Variants in SETDB2 observed in about 807,000 individuals in gnomAD.
The protein encoded by SETDB2 is histone-lysine N-methyltransferase SETDB2.
In SETDB2, 56 loss-of-function variants were observed where a neutral mutation model predicts 82.5. The ratio of observed to expected loss-of-function variants is 0.68; its 90% confidence interval spans 0.55 to 0.85. The LOEUF (loss-of-function observed/expected upper bound fraction) is 0.85, where lower values mean the gene tolerates loss of function less well. Ranked by LOEUF, SETDB2 falls within the 40% of genes least tolerant of loss-of-function variation. The probability of loss-of-function intolerance (pLI) is 0.00; values close to 1 mark genes in which losing one functional copy is unlikely to be tolerated. For synonymous variants in SETDB2, 272 were observed against 284.9 expected (o/e 0.95, Z 0.46); for missense variants, 677 against 816.4 (o/e 0.83, Z 2.08).
intron 10 of SETDB2, 146 bp from the exon 11 acceptor site, chr13:49,485,484 G>T: frequency 1.6e-6 from 1 of 627,516 alleles, no homozygotes. Context: ...TTAGTCTAAA[G>T]ACTCCTTATG....
chr13:49,482,888 G>A lies in SETDB2; in HGVS notation c.1308G>A (p.Leu436=), dbSNP rs761782856. 1.1e-5 allele frequency: 18 copies of A among 1,613,424 alleles called. No homozygotes were observed. In the South Asian group the frequency reaches 1.8e-4, roughly 16 times the overall value. Reference sequence around the variant, plus strand: ...AAGTTGAAGTTCTCCCATTAGGATTGGAAACACATCCTAGAACTGCTAAAA... The same window carrying A: ...AAGTTGAAGTTCTCCCATTAGGATTAGAAACACATCCTAGAACTGCTAAAA... ...DCEVEVLPLG[L]ETHPRTAKTE... Residue 436 remains leucine (L), a synonymous_variant, in exon 9 of 14, where the codon TTG becomes TTA. Transcript: ENST00000611815.
chr13:49,460,318 G>A, intron 3 of SETDB2, 86 bp downstream of exon 3: 1 of 1,337,372 alleles, frequency 7.5e-7, no homozygotes, highest in Non-Finnish European at 1.0e-6. Flanking sequence ...CAATATTGCT[G>A]TTTGTAAAAG....
At chr13:49,475,002 G>C (rs1958326581) in intron 5 of SETDB2, among the ~76,000 whole-genome samples, 1 of 152,162 alleles carries the variant, frequency 6.6e-6, no homozygotes, top group Non-Finnish European at 1.5e-5. Flanking sequence ...TAGTGTATTA[G>C]TCCGTTTTCA....
chr13:49,484,441 T>G (rs1367694972), intron 10 of SETDB2, among the ~76,000 whole-genome samples: 2 of 152,130 alleles, frequency 1.3e-5, no homozygotes, highest in Non-Finnish European at 2.9e-5. Context: ...AGCTACTTTT[T>G]TGTATTTTTA....
intron 13 of SETDB2, among the ~76,000 whole-genome samples, chr13:49,491,522 G>A (rs571640282): frequency 5.5e-4 from 83 of 152,284 alleles, no homozygotes; most frequent in African/African-American, 1.7e-3. Flanking sequence ...CATATTGATA[G>A]GTTCCTTCTT....
At chr13:49,449,744 A>G (rs1957753978) in intron 1 of SETDB2, among the ~76,000 whole-genome samples, 1 of 152,214 alleles carries the variant, frequency 6.6e-6, no homozygotes, top group Non-Finnish European at 1.5e-5. Context: ...AGAAAAGAAC[A>G]TAATCTCTCA....
Position 49,488,406 on chromosome 13 carries a change from G to A in SETDB2, c.1693G>A (p.Ala565Thr). ...TCCACCAAGGAGCAGATGTAACCAGGCGACCACATTGGATAATCAGAATAT... is the reference window on the plus strand; with the variant it reads ...TCCACCAAGGAGCAGATGTAACCAGACGACCACATTGGATAATCAGAATAT... ...ETPPRSRCNQ[A>T]TTLDNQNIKK... The change falls in exon 12 of 14, where the codon GCG becomes ACG. Residue 565 changes from alanine (A) to threonine (T), a missense_variant. Physicochemically the swap from Ala to Thr is moderately conservative, Grantham distance 58. Coordinates refer to ENST00000611815, the MANE Select transcript of SETDB2 (RefSeq NM_001160308.3). 6.2e-7 allele frequency: 1 copy of A among 1,614,014 alleles called. No individual in the cohort carries two copies. The highest frequency in any genetic ancestry group is 8.5e-7 in the Non-Finnish European group (1 of 1,179,984).
At chr13:49,465,192 C>T (rs1351958712) in intron 4 of SETDB2, among the ~76,000 whole-genome samples, 1 of 152,144 alleles carries the variant, frequency 6.6e-6, no homozygotes, top group Non-Finnish European at 1.5e-5. Context: ...CTAGACTCCC[C>T]AGGCTGTCAT....
At chr13:49,448,777 T>C (rs1957737564) in intron 1 of SETDB2, among the ~76,000 whole-genome samples, 1 of 152,202 alleles carries the variant, frequency 6.6e-6, no homozygotes. Context: ...TGTTAATTTG[T>C]CATTTAAATC....
At chr13:49,456,486 A>G (rs1383941816) in intron 2 of SETDB2, among the ~76,000 whole-genome samples, 1 of 152,188 alleles carries the variant, frequency 6.6e-6, no homozygotes, top group Admixed American at 6.5e-5. Context: ...TGAACAGATA[A>G]TAAAGTTACC....
intron 5 of SETDB2, among the ~76,000 whole-genome samples, chr13:49,475,405 A>G (rs1326498842): frequency 6.6e-6 from 1 of 152,204 alleles, no homozygotes; most frequent in Non-Finnish European, 1.5e-5. Flanking sequence ...AGACACCTAA[A>G]GATAGAAAAT....
intron 5 of SETDB2, among the ~76,000 whole-genome samples, chr13:49,471,819 T>C (rs1594158167): frequency 6.7e-6 from 1 of 149,628 alleles, no homozygotes; most frequent in South Asian, 2.1e-4. Context: ...TCTACTTCTC[T>C]CTGTTACCAG....
chr13:49,454,256 ATAG>A (rs1957836982), intron 2 of SETDB2, among the ~76,000 whole-genome samples: 2 of 152,086 alleles, frequency 1.3e-5, no homozygotes, highest in African/African-American at 4.8e-5. Context: ...AAAAATAATA[ATAG>A]TAATACAAAG....
chr13:49,472,127 A>G (rs1958263088), intron 5 of SETDB2, among the ~76,000 whole-genome samples: 1 of 151,814 alleles, frequency 6.6e-6, no homozygotes. Context: ...AAAGCCCAGT[A>G]TGTATACAAG....
At chr13:49,486,551 A>G (rs1208662699) in intron 11 of SETDB2, among the ~76,000 whole-genome samples, 1 of 152,206 alleles carries the variant, frequency 6.6e-6, no homozygotes, top group Non-Finnish European at 1.5e-5. Flanking sequence ...TGTGGTGCAC[A>G]GGTGTTGTCC....
intron 5 of SETDB2, among the ~76,000 whole-genome samples, chr13:49,468,325 C>G (rs1467399389): frequency 6.6e-6 from 1 of 152,040 alleles, no homozygotes; most frequent in African/African-American, 2.4e-5. Flanking sequence ...GTTGAGTTTT[C>G]AAAATGCGTA....
intron 4 of SETDB2, among the ~76,000 whole-genome samples, chr13:49,462,652 C>A (rs1051223633): frequency 6.6e-6 from 1 of 152,154 alleles, no homozygotes; most frequent in African/African-American, 2.4e-5. Flanking sequence ...TAAGGAAGTA[C>A]AATATTTACT....
intron 3 of SETDB2, 43 bp downstream of exon 3, chr13:49,460,275 T>C: frequency 6.3e-7 from 1 of 1,586,702 alleles, no homozygotes; most frequent in Non-Finnish European, 8.6e-7. Flanking sequence ...ATACTAAATA[T>C]TTCTCTCTGA....
intron 6 of SETDB2, among the ~76,000 whole-genome samples, chr13:49,478,696 G>T (rs1277862025): frequency 6.6e-6 from 1 of 152,134 alleles, no homozygotes; most frequent in African/African-American, 2.4e-5. Flanking sequence ...GGAAGCTGAG[G>T]TAGGAACATC....
Sources: allele counts gnomAD v4.1 joint callset (sites outside exome capture counted in the v4.1 genomes callset), GRCh38; gene constraint gnomAD v4.1.1; transcripts MANE v1.5; gene names NCBI Gene and HGNC (gene_info 2026-07-23, HGNC 2026-07-21).